NLGN4X: variants seen among roughly 807,000 people sequenced by gnomAD.
NLGN4X encodes neuroligin-4, X-linked.
In NLGN4X, 3 loss-of-function variants were observed where a neutral mutation model predicts 40.3. That is an observed-to-expected ratio of 0.07 (90% confidence interval 0.03 to 0.19). The LOEUF (loss-of-function observed/expected upper bound fraction) is 0.19. NLGN4X is among the 10% of genes least tolerant of loss of function. The probability of loss-of-function intolerance (pLI) is 1.00; values close to 1 mark genes in which losing one functional copy is unlikely to be tolerated. For synonymous variants in NLGN4X, 270 were observed against 306.8 expected, an observed-to-expected ratio of 0.88 and a Z score of 1.25; for missense variants, 382 against 708.3, an observed-to-expected ratio of 0.54 and a Z score of 5.23.
chrX:6,190,152 T>C (rs1363267772), intron 1 of NLGN4X, among the ~76,000 whole-genome samples: 1 of 110,964 alleles, frequency 9.0e-6, no homozygotes, highest in East Asian at 2.8e-4. Flanking sequence ...CAAATTATCT[T>C]TGAAAAACAA....
chrX:5,916,887 T>C (rs1374890301), intron 3 of NLGN4X, among the ~76,000 whole-genome samples: 1 of 112,323 alleles, frequency 8.9e-6, no homozygotes, highest in East Asian at 2.8e-4. Flanking sequence ...TAAATCTCCC[T>C]TTTTAGCAAC....
chrX:6,227,170 C>A, intron 1 of NLGN4X: 1 of 113,620 alleles, frequency 8.8e-6, no homozygotes. Flanking sequence ...GAAATCGGCC[C>A]GGGACAGCAG....
chrX:6,197,318 A>G (rs1923179513), intron 1 of NLGN4X, among the ~76,000 whole-genome samples: 1 of 110,652 alleles, frequency 9.0e-6, no homozygotes, highest in Non-Finnish European at 1.9e-5. Flanking sequence ...CTGGAGTGCA[A>G]CGGTGCAACC....
At chrX:6,039,178 C>T (rs1309482358) in intron 2 of NLGN4X, among the ~76,000 whole-genome samples, 1 of 111,292 alleles carries the variant, frequency 9.0e-6, no homozygotes, top group African/African-American at 3.3e-5. Flanking sequence ...TAATGATGTG[C>T]TGTTTCCAAG....
At chrX:6,224,977 CATATATATATATATATATATATAT>C (rs34139921) in intron 1 of NLGN4X, among the ~76,000 whole-genome samples, 13 of 52,326 alleles carry the variant, frequency 2.5e-4, no homozygotes, top group Non-Finnish European at 3.4e-4. Flanking sequence ...TTAAAATGGC[CATATATATATATATATATATATAT>C]ATATATATAT....
chrX:5,993,788 G>T (rs2035748144), intron 3 of NLGN4X, among the ~76,000 whole-genome samples: 1 of 111,760 alleles, frequency 8.9e-6, no homozygotes, highest in South Asian at 3.7e-4. Flanking sequence ...TCTAGAAAGG[G>T]ACTGTGCCCT....
chrX:6,114,386 A>G (rs1213249417), intron 2 of NLGN4X, among the ~76,000 whole-genome samples: 1 of 110,921 alleles, frequency 9.0e-6, no homozygotes, highest in Non-Finnish European at 1.9e-5. Context: ...TTCTTGTGAG[A>G]TTGCCTTTTA....
At chrX:5,973,158 T>A (rs983321832) in intron 3 of NLGN4X, among the ~76,000 whole-genome samples, 1 of 112,218 alleles carries the variant, frequency 8.9e-6, no homozygotes, top group African/African-American at 3.2e-5. Flanking sequence ...AGATTATTAT[T>A]GTTGTTATTA....
At chrX:5,936,175 C>T (rs953449374) in intron 3 of NLGN4X, among the ~76,000 whole-genome samples, 6 of 111,588 alleles carry the variant, frequency 5.4e-5, no homozygotes, top group Non-Finnish European at 7.5e-5. Context: ...CAGAACTGCA[C>T]AAAACAGCTT....
intron 3 of NLGN4X, among the ~76,000 whole-genome samples, chrX:5,933,074 T>C (rs1022913948): frequency 9.1e-6 from 1 of 110,408 alleles, no homozygotes; most frequent in Non-Finnish European, 1.9e-5. Context: ...ATTTGAAAGT[T>C]TGAAGAAAAA....
intron 2 of NLGN4X, among the ~76,000 whole-genome samples, chrX:6,084,136 G>A (rs969216646): frequency 8.9e-6 from 1 of 112,221 alleles, no homozygotes; most frequent in Non-Finnish European, 1.9e-5. Context: ...AATTCTGCAA[G>A]TGATAAAGTG....
At chrX:6,100,750 GC>G (rs1328812416) in intron 2 of NLGN4X, among the ~76,000 whole-genome samples, 1 of 111,782 alleles carries the variant, frequency 8.9e-6, no homozygotes, top group Admixed American at 9.5e-5. Context: ...CAAATATTAA[GC>G]TTTGAATAAA....
chrX:5,935,420 A>T (rs1304337872), intron 3 of NLGN4X, among the ~76,000 whole-genome samples: 1 of 112,545 alleles, frequency 8.9e-6, no homozygotes, highest in Non-Finnish European at 1.9e-5. Context: ...AACAAATCAA[A>T]GACAGCTAAT....
At chrX:6,021,083 TCTCTCTCTCCCC>T (rs2036540446) in intron 3 of NLGN4X, among the ~76,000 whole-genome samples, 1 of 53,080 alleles carries the variant, frequency 1.9e-5, no homozygotes, top group Non-Finnish European at 3.2e-5. Flanking sequence ...CCTCCCTCTC[TCTCTCTCTCCCC>T]CTCTCCCTCT....
At chrX:5,926,934 T>TTCTTTCTATCTATCTA (rs1555921576) in intron 3 of NLGN4X, among the ~76,000 whole-genome samples, 3 of 96,869 alleles carry the variant, frequency 3.1e-5, no homozygotes, top group Non-Finnish European at 6.2e-5. Context: ...TCTCTATATC[T>TTCTTTCTATCTATCTA]TCTATCTATC....
chrX:6,169,746 C>T (rs1193115505), intron 1 of NLGN4X, among the ~76,000 whole-genome samples: 1 of 112,235 alleles, frequency 8.9e-6, no homozygotes, highest in Non-Finnish European at 1.9e-5. Context: ...GCGCCATGAG[C>T]CATGCACAAT....
rs183529871 is a variant in NLGN4X at position 6,047,167 on chromosome X, C to T, written c.473-17735G>A. Among the ~76,000 whole-genome samples, 550 of 110,755 alleles carry T rather than the reference C, an allele frequency of 5.0e-3. 5 individuals are homozygous for T. The highest frequency in any genetic ancestry group is 0.017 in the African/African-American group (529 of 30,481). Reference sequence around the variant, plus strand: ...AGGTAGTCAAAAAAGTAAGTGACATCGTGACAGTGAACCAGTAGTGGTCTT... The same window carrying T: ...AGGTAGTCAAAAAAGTAAGTGACATTGTGACAGTGAACCAGTAGTGGTCTT... On this transcript the variant is annotated intron_variant, in intron 2 of 5. Transcript: ENST00000381095.
chrX:6,217,421 C>T (rs5915658), intron 1 of NLGN4X, among the ~76,000 whole-genome samples: 32,822 of 110,252 alleles, frequency 0.3, 4,080 homozygotes, highest in Non-Finnish European at 0.38. Flanking sequence ...TATTCACTTA[C>T]GGGAGGCTTA....
At chrX:6,043,609 T>C (rs1370030035) in intron 2 of NLGN4X, among the ~76,000 whole-genome samples, 1 of 111,756 alleles carries the variant, frequency 8.9e-6, no homozygotes, top group Non-Finnish European at 1.9e-5. Flanking sequence ...TTGCTGTCTA[T>C]GTAGCAAAAG....
Sources: allele counts gnomAD v4.1 joint callset (sites outside exome capture counted in the v4.1 genomes callset), GRCh38; gene constraint gnomAD v4.1.1; transcripts MANE v1.5; gene names NCBI Gene and HGNC (gene_info 2026-07-23, HGNC 2026-07-21).